Variants in MRPS5 observed in about 807,000 individuals in gnomAD.
MRPS5 encodes the protein small ribosomal subunit protein uS5m.
In MRPS5, 27 loss-of-function variants were observed where a neutral mutation model predicts 51.9. The ratio of observed to expected loss-of-function variants is 0.52; its 90% confidence interval spans 0.38 to 0.72. MRPS5 has a LOEUF of 0.72. MRPS5 is among the 30% of genes least tolerant of loss of function. The probability of loss-of-function intolerance (pLI) is 0.00; values close to 1 mark genes in which losing one functional copy is unlikely to be tolerated. For synonymous variants in MRPS5, 196 were observed against 193.2 expected, an observed-to-expected ratio of 1.01 and a Z score of -0.12; for missense variants, 570 against 545.7, an observed-to-expected ratio of 1.04 and a Z score of -0.44.
chr2:95,090,717 C>T, intron 10 of MRPS5, 195 bp from the exon 11 acceptor site: 1 of 574,416 alleles, frequency 1.7e-6, no homozygotes, highest in Middle Eastern at 4.6e-4. Context: ...CAGGATACTA[C>T]AAGGATTAAG....
chr2:95,095,369 C>T (rs1490120095), intron 10 of MRPS5, among the ~76,000 whole-genome samples: 4 of 152,100 alleles, frequency 2.6e-5, no homozygotes, highest in Admixed American at 2.6e-4. Flanking sequence ...TAGACATCTA[C>T]AGAACTCTCC....
chr2:95,117,833 T>G, intron 2 of MRPS5, 32 bp downstream of exon 2: 327 of 1,512,410 alleles, frequency 2.2e-4, no homozygotes, highest in Non-Finnish European at 2.7e-4. Flanking sequence ...TTAGATCTTA[T>G]GAGAAAAGGT....
intron 10 of MRPS5, among the ~76,000 whole-genome samples, chr2:95,095,921 T>C (rs1377104420): frequency 6.6e-6 from 1 of 152,136 alleles, no homozygotes; most frequent in Non-Finnish European, 1.5e-5. Flanking sequence ...ATCCAGCAGC[T>C]CATTTTTTGA....
intron 7 of MRPS5, among the ~76,000 whole-genome samples, chr2:95,103,240 G>C (rs560134793): frequency 3.3e-5 from 5 of 152,244 alleles, no homozygotes; most frequent in Non-Finnish European, 5.9e-5. Context: ...AACTTACAAA[G>C]AGCTTATACC....
At chr2:95,108,448 A>G in intron 4 of MRPS5, 40 bp from the exon 5 acceptor site, 8 of 1,525,682 alleles carry the variant, frequency 5.2e-6, no homozygotes, top group Non-Finnish European at 7.2e-6. Flanking sequence ...TTGTTAAAGT[A>G]CTCATTTTTC....
chr2:95,116,547 G>A (rs1202193951), intron 2 of MRPS5, among the ~76,000 whole-genome samples: 2 of 152,204 alleles, frequency 1.3e-5, no homozygotes, highest in Non-Finnish European at 2.9e-5. Flanking sequence ...TTTTATAACA[G>A]GAGATGGCAT....
chr2:95,121,679 A>C (rs1405960143), intron 1 of MRPS5, 55 bp downstream of exon 1: 2 of 1,506,152 alleles, frequency 1.3e-6, no homozygotes, highest in Non-Finnish European at 1.8e-6. Flanking sequence ...GCCCCAGGCG[A>C]GCCCCCCACT....
chr2:95,089,911 C>T lies in MRPS5; in HGVS notation c.1068+475G>A, dbSNP rs370347445. ...GTAATTTTCAGGCCGGGCGCGGTGG[C>T]TCACACCTGTAATCCCAGCACTTTG... is the stretch of plus-strand genomic sequence containing the variant. On this transcript the variant is annotated intron_variant, in intron 11 of 11. Transcript: ENST00000272418. 1.2e-4 allele frequency among the ~76,000 whole-genome samples: 18 copies of T among 152,228 alleles called. 1 individual carries two copies. The South Asian group carries it at 3.7e-3, about 32-fold the overall frequency.
intron 10 of MRPS5, among the ~76,000 whole-genome samples, chr2:95,096,970 T>C (rs1456640922): frequency 1.3e-5 from 2 of 152,232 alleles, no homozygotes. Context: ...CTCCTTAAGC[T>C]GATAAGTAAC....
At chr2:95,089,423 T>C (rs1299069641) in intron 11 of MRPS5, among the ~76,000 whole-genome samples, 1 of 152,208 alleles carries the variant, frequency 6.6e-6, no homozygotes, top group Non-Finnish European at 1.5e-5. Flanking sequence ...TTGTCTTTTC[T>C]GTTCATCCAC....
At chr2:95,113,528 C>G (rs1300059043) in intron 3 of MRPS5, among the ~76,000 whole-genome samples, 1 of 152,048 alleles carries the variant, frequency 6.6e-6, no homozygotes, top group Non-Finnish European at 1.5e-5. Flanking sequence ...GCTTGTAAAT[C>G]TGATATACCC....
intron 1 of MRPS5, 130 bp downstream of exon 1, chr2:95,121,604 T>TG: frequency 2.0e-6 from 2 of 1,012,140 alleles, no homozygotes; most frequent in Non-Finnish European, 2.8e-6. Flanking sequence ...CGGCGGAAGG[T>TG]GGGGGCACGG....
At chr2:95,119,371 A>G (rs929489813) in intron 1 of MRPS5, among the ~76,000 whole-genome samples, 9 of 152,198 alleles carry the variant, frequency 5.9e-5, no homozygotes, top group African/African-American at 2.2e-4. Context: ...GCACTTTGGG[A>G]GACTAAGGCG....
Position 95,117,935 on chromosome 2 carries a change from C to T in MRPS5, c.69G>A (p.Leu23=). The T allele has an allele frequency of 6.3e-7, 1 of 1,594,852 alleles. No individual in the cohort carries two copies. The highest frequency in any genetic ancestry group is 8.5e-7 in the Non-Finnish European group (1 of 1,175,338). Residue 23 remains leucine, a synonymous_variant, in exon 2 of 12, where the codon TTG becomes TTA. Coordinates refer to ENST00000272418, the MANE Select transcript of MRPS5 (RefSeq NM_031902.5). The part of the protein sequence containing the change: ...VLCSGTAGHL[L]GRQCSLNTLP... ...AGGTGTTTAGGGAACACTGCCTCCC[C>T]AATAAATGACCTGCAAATTGGAAAA...
chr2:95,100,912 T>C lies in MRPS5; in HGVS notation c.811-18A>G. ...TTCTTTGCCTGAAAGGAAAATGTTT[T>C]TCTTAACTCTATTGTTGAAATTTAC... On this transcript the variant is annotated intron_variant, in intron 8 of 11. Coordinates refer to ENST00000272418, the MANE Select transcript of MRPS5 (RefSeq NM_031902.5). The C allele has an allele frequency of 1.9e-6, 3 of 1,593,660 alleles. No homozygotes were observed. Among genetic ancestry groups the C allele is most frequent in the Non-Finnish European group, 1.7e-6 (2 of 1,170,212 alleles).
At chr2:95,093,910 A>C (rs1041653627) in intron 10 of MRPS5, among the ~76,000 whole-genome samples, 1 of 152,268 alleles carries the variant, frequency 6.6e-6, no homozygotes, top group Non-Finnish European at 1.5e-5. Flanking sequence ...AGTAGACTTC[A>C]GAAGGTCGGT....
chr2:95,088,879 C>A (rs1464438491), intron 11 of MRPS5, among the ~76,000 whole-genome samples: 2 of 152,148 alleles, frequency 1.3e-5, no homozygotes, highest in Non-Finnish European at 2.9e-5. Context: ...CCAGCCTGAC[C>A]AACATGGTGA....
At chr2:95,109,088 G>A (rs1168547761) in intron 4 of MRPS5, among the ~76,000 whole-genome samples, 1 of 151,784 alleles carries the variant, frequency 6.6e-6, no homozygotes, top group East Asian at 1.9e-4. Flanking sequence ...GAGACAATAG[G>A]ATTGAAGAAG....
intron 10 of MRPS5, 122 bp downstream of exon 10, chr2:95,100,352 C>CTTT: frequency 1.5e-6 from 1 of 683,282 alleles, no homozygotes; most frequent in East Asian, 2.6e-5. Flanking sequence ...TAACATAAGC[C>CTTT]TTTTACATTT....
Sources: gnomAD v4.1 joint callset for allele counts (sites outside exome capture counted in the v4.1 genomes callset) on GRCh38, gnomAD v4.1.1 for gene constraint, MANE v1.5 for transcripts, NCBI Gene and HGNC (gene_info 2026-07-23, HGNC 2026-07-21) for gene names.